Variants in TP53BP2 observed in about 807,000 individuals in gnomAD.
TP53BP2 encodes the protein apoptosis-stimulating of p53 protein 2.
In TP53BP2, 62 loss-of-function variants were observed where a neutral mutation model predicts 126.2. The observed-to-expected ratio is 0.49, with a 90% CI of 0.40 to 0.61. The LOEUF is 0.61. Ranked by LOEUF, TP53BP2 falls within the 20% of genes least tolerant of loss-of-function variation. The pLI is 0.00. For synonymous variants in TP53BP2, 485 were observed against 502.9 expected, an observed-to-expected ratio of 0.96 and a Z score of 0.48; for missense variants, 1,215 against 1,402.8, an observed-to-expected ratio of 0.87 and a Z score of 2.14.
At position 223,798,227 on chromosome 1, in the gene TP53BP2, G is replaced by T; in HGVS notation, c.1936C>A (p.His646Asn). ...TTAAGAACCTTACCACTTGAAAAGT[G>T]TGGCCCTCTGGTATGAGTCTTGGTC... ...ALTKTHTRGP[H>N]FSSVYGKPVI... Residue 646 changes from histidine (H) to asparagine (N), a missense_variant, in exon 12 of 18, where the codon CAC becomes AAC. His to Asn is a moderately conservative substitution (Grantham distance 68, BLOSUM62 1). Coordinates refer to ENST00000343537, the MANE Select transcript of TP53BP2 (RefSeq NM_001031685.3). The T allele has an allele frequency of 6.2e-7, 1 of 1,613,078 alleles. No homozygotes were observed. The highest frequency in any genetic ancestry group is 8.5e-7 in the Non-Finnish European group (1 of 1,179,364).
chr1:223,795,912 G>A lies in TP53BP2; in HGVS notation c.2627C>T (p.Pro876Leu). The A allele has an allele frequency of 6.2e-7, 1 of 1,613,754 alleles. No individual in the cohort carries two copies. The highest frequency in any genetic ancestry group is 8.5e-7 in the Non-Finnish European group (1 of 1,179,868). Residue 876 changes from proline to leucine, a missense_variant, in exon 13 of 18, where the codon CCA (proline) becomes CTA (leucine). By Grantham distance (98) the Pro-to-Leu change is moderately conservative. Around this residue, in one of 4 missense-constraint regions of TP53BP2, gnomAD observed 204 missense variants for 225.7 expected, o/e 0.90. Transcript: ENST00000343537. Reference protein sequence around the residue: ...DVYLEEYPPYPPPPYPSGEPE... With the variant: ...DVYLEEYPPYLPPPYPSGEPE... ...CTCCCCAGATGGGTATGGTGGGGGT[G>A]GGTATGGAGGGTACTCCTCCAGGTA...
chr1:223,802,267 C>T lies in TP53BP2; in HGVS notation c.1074G>A (p.Gln358=). 6.2e-7 allele frequency: 1 copy of T among 1,614,206 alleles called. No individual in the cohort carries two copies. The change falls in exon 9 of 18, where the codon CAG becomes CAA. Residue 358 remains glutamine (Q), a synonymous_variant. Coordinates refer to ENST00000343537, the MANE Select transcript of TP53BP2 (RefSeq NM_001031685.3). Reference sequence around the variant, plus strand: ...AGGGCATCCGAGGCATAGTAGACGACTGGATATAGGGACCTACTGCAGCCA... The same window carrying T: ...AGGGCATCCGAGGCATAGTAGACGATTGGATATAGGGACCTACTGCAGCCA... ...SRVAAVGPYI[Q]SSTMPRMPSR... is the part of the protein sequence containing the mutation.
intron 1 of TP53BP2, among the ~76,000 whole-genome samples, chr1:223,823,375 G>A (rs59948383): frequency 0.039 from 5,886 of 152,214 alleles, 372 homozygotes; most frequent in African/African-American, 0.13. Flanking sequence ...GAGAAAGAGC[G>A]GACCCTTGCA....
intron 2 of TP53BP2, among the ~76,000 whole-genome samples, chr1:223,819,097 T>C (rs866921020): frequency 4.0e-5 from 6 of 151,310 alleles, no homozygotes; most frequent in African/African-American, 1.2e-4. Context: ...GGCAGGAGAA[T>C]TGCTTGAACC....
chr1:223,785,806 C>T (rs892803006), intron 16 of TP53BP2, among the ~76,000 whole-genome samples: 1 of 152,032 alleles, frequency 6.6e-6, no homozygotes, highest in Non-Finnish European at 1.5e-5. Flanking sequence ...TCAATCTTAC[C>T]GGTAACTTGG....
intron 2 of TP53BP2, chr1:223,818,163 G>C (rs1663158018): frequency 6.6e-6 from 1 of 152,466 alleles, no homozygotes; most frequent in African/African-American, 2.4e-5. Context: ...GAGATCAGGG[G>C]AATCGCTTAG....
At chr1:223,786,236 T>C (rs1344048438) in intron 16 of TP53BP2, among the ~76,000 whole-genome samples, 7 of 152,144 alleles carry the variant, frequency 4.6e-5, no homozygotes, top group Non-Finnish European at 1.0e-4. Flanking sequence ...GATGTAATTA[T>C]TTTACAAAAC....
chr1:223,786,699 G>C (rs567368725), intron 16 of TP53BP2, among the ~76,000 whole-genome samples: 4 of 151,210 alleles, frequency 2.6e-5, no homozygotes, highest in Admixed American at 6.6e-5. Context: ...TTCCTCCTCC[G>C]GGGTTCACGC....
intron 1 of TP53BP2, among the ~76,000 whole-genome samples, chr1:223,829,957 T>TA (rs2102881804): frequency 6.6e-6 from 1 of 152,284 alleles, no homozygotes; most frequent in Admixed American, 6.5e-5. Context: ...CATCATTTTT[T>TA]ATAGCAGGAA....
chr1:223,815,930 C>T (rs2102867576), intron 2 of TP53BP2, among the ~76,000 whole-genome samples: 1 of 152,220 alleles, frequency 6.6e-6, no homozygotes, highest in Non-Finnish European at 1.5e-5. Flanking sequence ...TAGGCTATAC[C>T]ATCTAGATTT....
chr1:223,821,623 G>A (rs1041586784), intron 1 of TP53BP2, among the ~76,000 whole-genome samples: 5 of 152,112 alleles, frequency 3.3e-5, no homozygotes, highest in African/African-American at 1.2e-4. Flanking sequence ...AATTAAATCT[G>A]TTTTTGCCAG....
chr1:223,799,936 T>G lies in TP53BP2; in HGVS notation c.1448A>C (p.Lys483Thr). 6.2e-7 allele frequency: 1 copy of G among 1,610,606 alleles called. No individual in the cohort carries two copies. The change falls in exon 11 of 18, where the codon AAG becomes ACG. Residue 483 changes from lysine to threonine, a missense_variant. Transcript: ENST00000343537. ...NAPPSFGTLR[K>T]NQSSEDILRD... ...CAAGATATCTTCACTGCTCTGGTTC[T>G]TCCTCAGAGTACCAAAGGAAGGTGG...
rs1286093230 is a variant in TP53BP2, at chr1:223,802,218, G to C, written c.1123C>G (p.Pro375Ala). 1 of 1,614,188 alleles carries C rather than the reference G, an allele frequency of 6.2e-7. No individual in the cohort carries two copies. The highest frequency in any genetic ancestry group is 1.7e-5 in the Admixed American group (1 of 60,026). Residue 375 changes from proline to alanine, a missense_variant, in exon 9 of 18, where the codon CCA (proline) becomes GCA (alanine). Coordinates refer to ENST00000343537, the MANE Select transcript of TP53BP2 (RefSeq NM_001031685.3). ...MPSRPELLVK[P>A]ALPDGSLVIQ... ...ACCAAGGAACCATCCGGCAGGGCTG[G>C]CTTCACCAGCAATTCAGGCCTTGAG...
rs1380608475 is a variant in TP53BP2 at position 223,798,586 on chromosome 1, G to A, written c.1577C>T (p.Pro526Leu). ...NLPYFGQTNQ[P>L]PSDIKPDGSS... is the part of the protein sequence containing the mutation. ...TCCGTCTGGCTTAATGTCTGAAGGTGGCTGATTAGTTTGTCCAAAATAAGG... is the reference window on the plus strand; with the variant it reads ...TCCGTCTGGCTTAATGTCTGAAGGTAGCTGATTAGTTTGTCCAAAATAAGG... The change falls in exon 12 of 18, where the codon CCA (proline) becomes CTA (leucine). Residue 526 changes from proline to leucine, a missense_variant. Around this residue, in one of 4 missense-constraint regions of TP53BP2, gnomAD observed 814 missense variants for 853.0 expected, o/e 0.95. Coordinates refer to ENST00000343537, the MANE Select transcript of TP53BP2 (RefSeq NM_001031685.3). The A allele has an allele frequency of 2.5e-6, 4 of 1,614,166 alleles. No homozygotes were observed.
intron 1 of TP53BP2, among the ~76,000 whole-genome samples, chr1:223,822,731 T>C (rs1663355274): frequency 6.6e-6 from 1 of 150,994 alleles, no homozygotes; most frequent in African/African-American, 2.4e-5. Flanking sequence ...AGACACTGTA[T>C]CTTAGAAACA....
intron 1 of TP53BP2, 51 bp from the exon 2 acceptor site, chr1:223,821,418 G>T: frequency 6.2e-7 from 1 of 1,609,320 alleles, no homozygotes; most frequent in South Asian, 1.1e-5. Context: ...TGCCTAATGT[G>T]GTATTCACCT....
chr1:223,815,594 T>C (rs1663057640), intron 2 of TP53BP2, among the ~76,000 whole-genome samples: 1 of 152,182 alleles, frequency 6.6e-6, no homozygotes, highest in African/African-American at 2.4e-5. Context: ...TATGGACTTC[T>C]CACAAGCTCT....
chr1:223,792,398 C>T lies in TP53BP2; in HGVS notation c.2987G>A (p.Ser996Asn). Residue 996 changes from serine (S) to asparagine (N), a missense_variant, in exon 15 of 18, where the codon AGT becomes AAT. By Grantham distance (46) the Ser-to-Asn change is conservative. This residue lies in a region of TP53BP2 where 151 missense variants were observed against 231.2 expected (regional missense o/e 0.65). Coordinates refer to ENST00000343537, the MANE Select transcript of TP53BP2 (RefSeq NM_001031685.3). ...QFGVNVNAAD[S>N]DGWTPLHCAA... ...TAAAAGAAAATCTTACCATCCATCA[C>T]TATCAGCAGCATTTACATTTACACC... 1.2e-6 allele frequency: 2 copies of T among 1,609,634 alleles called. No homozygotes were observed. The highest frequency in any genetic ancestry group is 1.7e-6 in the Non-Finnish European group (2 of 1,177,784).
rs1662377438 is a variant in TP53BP2 at position 223,797,736 on chromosome 1, CACAGACACACACAT to C, written c.1948+465_1948+478del. On this transcript the variant is annotated intron_variant, in intron 12 of 17. Transcript: ENST00000343537. ...ACAGTTATATATAAAGACATATAGACACAGACACACACATACAGAGACACACATATATATATGTG... is the reference window on the plus strand; with the variant it reads ...ACAGTTATATATAAAGACATATAGACACAGAGACACACATATATATATGTG... Among the ~76,000 whole-genome samples the C allele has an allele frequency of 2.0e-5, 3 of 151,802 alleles. No homozygotes were observed. In the South Asian group the frequency reaches 6.4e-4, roughly 32 times the overall value.
Sources: allele counts gnomAD v4.1 joint callset (sites outside exome capture counted in the v4.1 genomes callset), GRCh38; gene constraint gnomAD v4.1.1; regional missense constraint gnomAD v4.1.1; transcripts MANE v1.5; gene names NCBI Gene and HGNC (gene_info 2026-07-23, HGNC 2026-07-21).